The following RAB37 variants were observed in gnomAD, a reference collection of about 807,000 sequenced individuals.
RAB37 encodes RAB37, member RAS oncogene family.
A neutral mutation model predicts 33.1 loss-of-function variants in RAB37; 29 were observed. The ratio of observed to expected loss-of-function variants is 0.88; its 90% CI spans 0.65 to 1.20. RAB37 has a LOEUF of 1.20. RAB37 is among the 50% of genes most tolerant of loss of function. The pLI is 0.00. For synonymous variants in RAB37, 128 were observed against 119.5 expected, an observed-to-expected ratio of 1.07 and a Z score of -0.47; for missense variants, 299 against 301.1, an observed-to-expected ratio of 0.99 and a Z score of 0.05.
chr17:74,742,186 A>G lies in RAB37; in HGVS notation c.205-68A>G. On this transcript the variant is annotated intron_variant, in intron 2 of 8. Transcript: ENST00000392613. This position sits in a 1 kb window ranked among gnomAD's most constrained non-coding sequence, Gnocchi z 4.0. ...TCTAGGCCTGGAGAGGGAACAAGACAGGACGTCTGCAGAGCTGAGGAGCCA... is the reference window on the plus strand; with the variant it reads ...TCTAGGCCTGGAGAGGGAACAAGACGGGACGTCTGCAGAGCTGAGGAGCCA... 1 of 1,584,718 alleles carries G rather than the reference A, an allele frequency of 6.3e-7. No individual in the cohort carries two copies. Among genetic ancestry groups the G allele is most frequent in the Non-Finnish European group, 8.6e-7 (1 of 1,164,158 alleles).
chr17:74,671,492 C>T lies in RAB37; in HGVS notation c.-95C>T. ...GCGGCCCGGCCCGCAGAGCTCAGACCCAAGCCTGCCGCACCCAGCGGAGCT... is the reference window on the plus strand; with the variant it reads ...GCGGCCCGGCCCGCAGAGCTCAGACTCAAGCCTGCCGCACCCAGCGGAGCT... On this transcript the variant is annotated 5_prime_UTR_variant, in exon 1 of 8. Coordinates refer to the RAB37 transcript ENST00000340415. This position sits in a 1 kb window ranked among gnomAD's most constrained non-coding sequence, Gnocchi z 5.0. The T allele has an allele frequency of 8.2e-7, 1 of 1,223,644 alleles. No homozygotes were observed. The highest frequency in any genetic ancestry group is 1.2e-6 in the Non-Finnish European group (1 of 840,478). 75.8% of individuals were successfully genotyped at this position (1,223,644 alleles called of 1,614,324 possible).
At chr17:74,682,319 A>ACT (rs909443664) in intron 1 of RAB37, among the ~76,000 whole-genome samples, 458 of 150,650 alleles carry the variant, frequency 3.0e-3, no homozygotes, top group African/African-American at 0.01. Context: ...CTTCGGCCTC[A>ACT]CTCTCTGTCT....
chr17:74,713,107 T>C (rs997037961), intron 1 of RAB37: 12 of 492,580 alleles, frequency 2.4e-5, no homozygotes, highest in South Asian at 1.7e-4. Flanking sequence ...GAGTTCAAGA[T>C]CAGCCTGGCC....
At chr17:74,704,574 C>T in intron 1 of RAB37, 1 of 1,614,186 alleles carries the variant, frequency 6.2e-7, no homozygotes, top group South Asian at 1.1e-5. Context: ...ATGAGATCCT[C>T]CATGGTCACA....
At chr17:74,685,003 GA>G (rs1449146462) in intron 1 of RAB37, among the ~76,000 whole-genome samples, 1 of 150,794 alleles carries the variant, frequency 6.6e-6, no homozygotes, top group African/African-American at 2.4e-5. Context: ...GGTTTATTCT[GA>G]AATTTTGAAA....
At chr17:74,728,757 T>G (rs933268445) in intron 1 of RAB37, among the ~76,000 whole-genome samples, 20 of 151,924 alleles carry the variant, frequency 1.3e-4, no homozygotes, top group Non-Finnish European at 5.9e-5. Context: ...TGTGTCTGTA[T>G]GTGTCTTGTG....
chr17:74,702,690 C>G (rs2033162185), intron 1 of RAB37, among the ~76,000 whole-genome samples: 1 of 152,116 alleles, frequency 6.6e-6, no homozygotes, highest in Admixed American at 6.5e-5. Flanking sequence ...CACTGACTGC[C>G]AACTCATCGG....
intron 1 of RAB37, among the ~76,000 whole-genome samples, chr17:74,701,062 C>A (rs1348268309): frequency 6.6e-6 from 1 of 152,176 alleles, no homozygotes; most frequent in African/African-American, 2.4e-5. Flanking sequence ...ACCTTGTGGA[C>A]CACTTGATCT....
chr17:74,684,899 A>T (rs551211789), intron 1 of RAB37, among the ~76,000 whole-genome samples: 1 of 147,982 alleles, frequency 6.8e-6, no homozygotes, highest in African/African-American at 2.5e-5. Flanking sequence ...ATAGATAGAT[A>T]GATCCATCAT....
At chr17:74,721,329 G>A (rs1396344744) in intron 1 of RAB37, among the ~76,000 whole-genome samples, 6 of 152,002 alleles carry the variant, frequency 3.9e-5, no homozygotes, top group Admixed American at 3.9e-4. Context: ...TCACAGTACT[G>A]CATTGTATGT....
chr17:74,699,546 A>G (rs957367033), intron 1 of RAB37, among the ~76,000 whole-genome samples: 1 of 152,162 alleles, frequency 6.6e-6, no homozygotes, highest in African/African-American at 2.4e-5. Flanking sequence ...CGACAGAGAC[A>G]GGGATCAGAG....
rs545023109 is a variant in RAB37 at position 74,730,091 on chromosome 17, G to A, written c.183+725G>A. On this transcript the variant is annotated intron_variant, in intron 2 of 7. Coordinates refer to the RAB37 transcript ENST00000340415. This position sits in a 1 kb window ranked among gnomAD's most constrained non-coding sequence, Gnocchi z 4.4. ...TTTACCACACATCCCATCTCCCCGC[G>A]TTGTCCCGTGCCTGCGGCTGCAGCT... 4.1e-4 allele frequency among the ~76,000 whole-genome samples: 62 copies of A among 152,256 alleles called. No individual in the cohort carries two copies. The highest frequency in any genetic ancestry group is 1.1e-3 in the African/African-American group (46 of 41,562).
intron 1 of RAB37, among the ~76,000 whole-genome samples, chr17:74,693,518 C>G (rs2143512092): frequency 6.6e-6 from 1 of 152,208 alleles, no homozygotes; most frequent in African/African-American, 2.4e-5. Flanking sequence ...GAAGACCAGG[C>G]AGGGAATGGT....
At chr17:74,680,279 G>T (rs2031926588) in intron 1 of RAB37, among the ~76,000 whole-genome samples, 1 of 151,914 alleles carries the variant, frequency 6.6e-6, no homozygotes, top group African/African-American at 2.4e-5. Flanking sequence ...TCACCAAGAG[G>T]GTCACAGATG....
rs748541222 is a variant in RAB37, at chr17:74,729,345, C to T, written c.162C>T (p.Ala54=). The T allele has an allele frequency of 6.2e-7, 1 of 1,613,944 alleles. No homozygotes were observed. Among genetic ancestry groups the T allele is most frequent in the Non-Finnish European group, 8.5e-7 (1 of 1,179,854 alleles). ...AGTTCATCCCCGGCTCCTTCTCGGC[C>T]ACTGTGGGCATCGGATTCACGGTAA... Residue 54 remains alanine, a synonymous_variant, in exon 2 of 8, where the codon GCC becomes GCT. Transcript: ENST00000340415. The surrounding 1 kb of genome is among the most constrained non-coding windows in gnomAD (Gnocchi z 4.2).
chr17:74,735,025 GAAAGA>G (rs768978587), upstream of RAB37, among the ~76,000 whole-genome samples: 67 of 75,372 alleles, frequency 8.9e-4, no homozygotes, highest in South Asian at 6.1e-3. Flanking sequence ...AAGGAAGAAA[GAAAGA>G]AAGAAAGAAA....
Position 74,702,601 on chromosome 17 carries a change from T to C in RAB37, c.73-26655T>C, listed in dbSNP as rs985910243. ...ACTTCCCCAAGCCCTCCTTTCCTTG[T>C]CCTCCCAGAAGTTGAACCAAGAGTC... On this transcript the variant is annotated intron_variant, in intron 1 of 7. Transcript: ENST00000340415. 2.6e-5 allele frequency among the ~76,000 whole-genome samples: 4 copies of C among 152,120 alleles called. No homozygotes were observed. In the East Asian group the frequency reaches 7.7e-4, roughly 29 times the overall value.
At position 74,729,516 on chromosome 17, in the gene RAB37, G is replaced by T; in HGVS notation, c.183+150G>T. On this transcript the variant is annotated intron_variant, in intron 2 of 7. Coordinates refer to the RAB37 transcript ENST00000340415. This position sits in a 1 kb window ranked among gnomAD's most constrained non-coding sequence, Gnocchi z 4.2. ...ACTGTTCCCCAAGGTGTAGGAGGGT[G>T]TTGGGTGACCAGGAGGGAGGGTATA... 4.5e-6 allele frequency: 3 copies of T among 671,952 alleles called. No individual in the cohort carries two copies. The highest frequency in any genetic ancestry group is 5.4e-6 in the Non-Finnish European group (2 of 367,886). The allele number at this position is 671,952 out of a possible 1,614,324, so 41.6% of individuals were successfully genotyped here.
chr17:74,724,767 T>C (rs2034285684), intron 1 of RAB37, among the ~76,000 whole-genome samples: 1 of 152,154 alleles, frequency 6.6e-6, no homozygotes, highest in South Asian at 2.1e-4. Flanking sequence ...ACAAAGTACA[T>C]TGACCAGTTA....
Sources: gnomAD v4.1 joint callset for allele counts (sites outside exome capture counted in the v4.1 genomes callset) on GRCh38, gnomAD v4.1.1 for gene constraint, Gnocchi (gnomAD v3.1) non-coding constraint, MANE v1.5 for transcripts, NCBI Gene and HGNC (gene_info 2026-07-23, HGNC 2026-07-21) for gene names.